The following N4BP1 variants were observed in gnomAD, a reference collection of about 807,000 sequenced individuals.
N4BP1 encodes NEDD4 binding protein 1, also known as NEDD4-binding protein 1.
In N4BP1, 21 loss-of-function variants were observed where a neutral mutation model predicts 70.9. The ratio of observed to expected loss-of-function variants is 0.30; its 90% CI spans 0.21 to 0.43. N4BP1 has a LOEUF of 0.43. N4BP1 is among the 20% of genes least tolerant of loss of function. The pLI is 1.00. For missense variants in N4BP1, 936 were observed against 1,069.4 expected (o/e 0.88, Z 1.74); for synonymous variants, 387 against 394.6 (o/e 0.98, Z 0.23).
At chr16:48,555,490 C>T (rs898522406) in intron 2 of N4BP1, among the ~76,000 whole-genome samples, 1 of 152,212 alleles carries the variant, frequency 6.6e-6, no homozygotes, top group East Asian at 1.9e-4. Flanking sequence ...AAGGCTATTT[C>T]TTTTTCAGTG....
At chr16:48,548,856 A>AAAAT (rs1963626938) in intron 4 of N4BP1, among the ~76,000 whole-genome samples, 1 of 151,988 alleles carries the variant, frequency 6.6e-6, no homozygotes, top group Admixed American at 6.6e-5. Context: ...AAAAAAAAAA[A>AAAAT]AATTCATAGG....
Position 48,561,690 on chromosome 16 carries a change from C to A in N4BP1, c.953G>T (p.Gly318Val). ...ATCAGATAGGTCAGCTATTACATTT[C>A]CAGCCAATGTCTTAGCATCGTGTAA... ...EILHDAKTLAGNVIADLSDSS... is the reference protein window; with the variant it reads ...EILHDAKTLAVNVIADLSDSS... Residue 318 changes from glycine (G) to valine (V), a missense_variant, in exon 2 of 7, where the codon GGA (glycine) becomes GTA (valine). Physicochemically the swap from Gly to Val is moderately radical, Grantham distance 109. Coordinates refer to ENST00000262384, the MANE Select transcript of N4BP1 (RefSeq NM_153029.4). The A allele has an allele frequency of 6.2e-7, 1 of 1,613,000 alleles. No individual in the cohort carries two copies. Among genetic ancestry groups the A allele is most frequent in the Non-Finnish European group, 8.5e-7 (1 of 1,179,868 alleles).
At chr16:48,597,853 A>AT (rs1305330679) in intron 1 of N4BP1, among the ~76,000 whole-genome samples, 1 of 152,214 alleles carries the variant, frequency 6.6e-6, no homozygotes, top group Non-Finnish European at 1.5e-5. Context: ...CAATAAACCT[A>AT]TGACGGCTGC....
At chr16:48,586,255 T>A (rs1964244212) in intron 1 of N4BP1, among the ~76,000 whole-genome samples, 1 of 152,166 alleles carries the variant, frequency 6.6e-6, no homozygotes, top group South Asian at 2.1e-4. Context: ...CCTCAAACCA[T>A]CTTCACACCT....
At chr16:48,576,238 T>C (rs1242351422) in intron 1 of N4BP1, among the ~76,000 whole-genome samples, 1 of 152,222 alleles carries the variant, frequency 6.6e-6, no homozygotes, top group Non-Finnish European at 1.5e-5. Flanking sequence ...TCTCTAGCCA[T>C]CTATATTAGT....
At chr16:48,554,068 C>T (rs991890603) in intron 2 of N4BP1, among the ~76,000 whole-genome samples, 8 of 152,012 alleles carry the variant, frequency 5.3e-5, no homozygotes. Context: ...GCTATATTTA[C>T]CCAGTTTACA....
rs563362799 is a variant in N4BP1, at chr16:48,591,323, G to A, written c.198+18452C>T. On this transcript the variant is annotated intron_variant, in intron 1 of 6. Coordinates refer to ENST00000262384, the MANE Select transcript of N4BP1 (RefSeq NM_153029.4). The stretch of plus-strand genomic sequence containing the variant: ...ACCCCCACCCCAATGGCTAGCTTCC[G>A]ATTTCCTGTCTTGAATTTTTCTTTC... Among the ~76,000 whole-genome samples, 7 of 147,492 alleles carry A rather than the reference G, an allele frequency of 4.7e-5. No homozygotes were observed. The East Asian group carries it at 1.2e-3, about 26-fold the overall frequency.
At chr16:48,580,888 C>A (rs1430464680) in intron 1 of N4BP1, among the ~76,000 whole-genome samples, 1 of 152,086 alleles carries the variant, frequency 6.6e-6, no homozygotes, top group Non-Finnish European at 1.5e-5. Flanking sequence ...GAGGTCAAAT[C>A]ATCTCAAGAT....
At chr16:48,608,292 C>A (rs866274750) in intron 1 of N4BP1, among the ~76,000 whole-genome samples, 1 of 152,150 alleles carries the variant, frequency 6.6e-6, no homozygotes, top group Admixed American at 6.5e-5. Flanking sequence ...CGTGAGCCAC[C>A]GCGCCCGGCC....
chr16:48,584,288 C>T (rs186774101), intron 1 of N4BP1, among the ~76,000 whole-genome samples: 2 of 152,316 alleles, frequency 1.3e-5, no homozygotes, highest in Non-Finnish European at 1.5e-5. Context: ...GATCACGTTT[C>T]GGGACCAATG....
At chr16:48,575,778 C>A (rs533150362) in intron 1 of N4BP1, among the ~76,000 whole-genome samples, 1 of 152,096 alleles carries the variant, frequency 6.6e-6, no homozygotes, top group Non-Finnish European at 1.5e-5. Flanking sequence ...ACAAACAGAG[C>A]GAAAAACAAA....
chr16:48,592,315 C>T (rs1964350822), intron 1 of N4BP1, among the ~76,000 whole-genome samples: 1 of 152,178 alleles, frequency 6.6e-6, no homozygotes, highest in Admixed American at 6.5e-5. Flanking sequence ...GCACCGTTTT[C>T]TCCAACAGCA....
In N4BP1 at chr16:48,602,401, T is replaced by A. The variant is rs1364562584; in HGVS notation, c.198+7374A>T. ...CATAAAAAGCCAACATAGATCAAAA[T>A]GTGGTCCTTGATTTAATTACAATCC... On this transcript the variant is annotated intron_variant, in intron 1 of 6. Coordinates refer to ENST00000262384, the MANE Select transcript of N4BP1 (RefSeq NM_153029.4). 5.3e-5 allele frequency among the ~76,000 whole-genome samples: 8 copies of A among 152,350 alleles called. No individual in the cohort carries two copies. The South Asian group carries it at 1.7e-3, about 32-fold the overall frequency.
intron 1 of N4BP1, among the ~76,000 whole-genome samples, chr16:48,583,688 A>G (rs1044981080): frequency 3.3e-5 from 5 of 152,236 alleles, no homozygotes; most frequent in Non-Finnish European, 5.9e-5. Flanking sequence ...AAATAAATAA[A>G]TTTGAAAACT....
Position 48,542,764 on chromosome 16 carries a change from C to A in N4BP1, c.*140G>T. The A allele has an allele frequency of 1.4e-6, 1 of 734,540 alleles. No homozygotes were observed. The highest frequency in any genetic ancestry group is 2.0e-6 in the Non-Finnish European group (1 of 493,544). The allele number at this position is 734,540 out of a possible 1,614,324, so 45.5% of individuals were successfully genotyped here. ...GGTTTTGAAAACCCAGATTTATACC[C>A]AAAACATTTTTTTTCTGTACAACTG... On this transcript the variant is annotated 3_prime_UTR_variant, in exon 7 of 7. Transcript: ENST00000262384.
In N4BP1 at chr16:48,609,918, G is replaced by A. The variant is rs1208034813; in HGVS notation, c.55C>T (p.Leu19=). ...EFTAPAEKAE[L]LEQSRGRIEG... ...ATACGGCCGCGGCTCTGCTCCAGCA[G>A]CTCCGCCTTCTCAGCTGGCGCAGTG... is the stretch of plus-strand genomic sequence containing the variant. Residue 19 remains leucine, a synonymous_variant, in exon 1 of 7, where the codon CTG becomes TTG. Transcript: ENST00000262384. 11 of 1,441,740 alleles carry A rather than the reference G, an allele frequency of 7.6e-6. No individual in the cohort carries two copies. Among genetic ancestry groups the A allele is most frequent in the Non-Finnish European group, 9.1e-6 (10 of 1,093,906 alleles). The allele number at this position is 1,441,740 out of a possible 1,614,324, so 89.3% of individuals were successfully genotyped here.
At chr16:48,552,848 A>G (rs569921691) in intron 3 of N4BP1, among the ~76,000 whole-genome samples, 1 of 151,498 alleles carries the variant, frequency 6.6e-6, no homozygotes. Context: ...GGAAGTTGGG[A>G]ATACTTGGGA....
chr16:48,564,533 C>T (rs1046062028), intron 1 of N4BP1, among the ~76,000 whole-genome samples: 3 of 152,170 alleles, frequency 2.0e-5, no homozygotes, highest in African/African-American at 7.2e-5. Context: ...AAATCTATCC[C>T]TTCATCAAGA....
intron 1 of N4BP1, among the ~76,000 whole-genome samples, chr16:48,581,390 T>A (rs1205282786): frequency 1.3e-5 from 2 of 152,088 alleles, no homozygotes; most frequent in Admixed American, 1.3e-4. Context: ...TCTTTCAATA[T>A]GGTATTCAAA....
Sources: gnomAD v4.1 joint callset for allele counts (sites outside exome capture counted in the v4.1 genomes callset) on GRCh38, gnomAD v4.1.1 for gene constraint, MANE v1.5 for transcripts, NCBI Gene and HGNC (gene_info 2026-07-23, HGNC 2026-07-21) for gene names.